The following SCAI variants were observed in gnomAD, a reference collection of about 807,000 sequenced individuals.
SCAI encodes protein SCAI.
In SCAI, 24 loss-of-function variants were observed where a neutral mutation model predicts 92.2. The observed-to-expected ratio is 0.26, with a 90% CI of 0.19 to 0.37. The LOEUF is 0.37. SCAI is among the 10% of genes least tolerant of loss of function. The pLI, the probability that SCAI is intolerant of heterozygous loss-of-function variation, is 1.00. For missense variants in SCAI, 450 were observed against 736.2 expected, an observed-to-expected ratio of 0.61 and a Z score of 4.50; for synonymous variants, 261 against 258.6, an observed-to-expected ratio of 1.01 and a Z score of -0.09.
chr9:125,010,875 G>A (rs567458055), intron 9 of SCAI, among the ~76,000 whole-genome samples: 11 of 152,276 alleles, frequency 7.2e-5, no homozygotes, highest in Admixed American at 2.6e-4. Context: ...CACGGTTCAC[G>A]AAAATCCGCT....
At chr9:125,014,879 G>GT (rs1246149774) in intron 9 of SCAI, among the ~76,000 whole-genome samples, 1 of 151,994 alleles carries the variant, frequency 6.6e-6, no homozygotes, top group Non-Finnish European at 1.5e-5. Context: ...ATAACGCCAC[G>GT]TATCTACAAC....
rs535607428 is a variant in SCAI, at chr9:124,947,438, C to T, written c.*5369G>A. ...TAAGATCTTCATATCCTAATTTCAACTCCAAATTAGCCCATTTTATCCAAA... is the reference window on the plus strand; with the variant it reads ...TAAGATCTTCATATCCTAATTTCAATTCCAAATTAGCCCATTTTATCCAAA... On this transcript the variant is annotated 3_prime_UTR_variant, in exon 18 of 18. Transcript: ENST00000336505. 1.3e-5 allele frequency: 2 copies of T among 152,192 alleles called. No individual in the cohort carries two copies. The highest frequency in any genetic ancestry group is 1.3e-4 in the Admixed American group (2 of 15,288). 9.4% of individuals were successfully genotyped at this position (152,192 alleles called of 1,614,324 possible). A position where few individuals can be genotyped will look rare whatever the true frequency, so the allele number is the denominator to read the frequency against.
chr9:125,050,286 C>G (rs1453790874), intron 3 of SCAI, among the ~76,000 whole-genome samples: 1 of 151,986 alleles, frequency 6.6e-6, no homozygotes, highest in Admixed American at 6.6e-5. Flanking sequence ...TGGAGGTGGG[C>G]GCAGGGGGAT....
chr9:125,142,587 A>C, intron 2 of SCAI, 46 bp downstream of exon 2: 2 of 1,502,072 alleles, frequency 1.3e-6, no homozygotes, highest in Non-Finnish European at 1.9e-6. Flanking sequence ...AGGTGCAGCC[A>C]AGCAAAAAGA....
intron 13 of SCAI, among the ~76,000 whole-genome samples, chr9:124,999,315 A>G (rs1832310906): frequency 6.6e-6 from 1 of 151,684 alleles, no homozygotes; most frequent in Non-Finnish European, 1.5e-5. Context: ...TGAACCCAGG[A>G]GGCAGAGGTT....
At position 125,074,058 on chromosome 9, in the gene SCAI, G is replaced by A. The variant is rs1261620224; in HGVS notation, c.99-18051C>T. 2.0e-5 allele frequency among the ~76,000 whole-genome samples: 3 copies of A among 151,626 alleles called. No individual in the cohort carries two copies. The South Asian group carries it at 6.3e-4, about 32-fold the overall frequency. ...GCAGATCATGAGGTCAAGAGATCGA[G>A]ACCGTCCTGGCTAACACGGTGAAAC... On this transcript the variant is annotated intron_variant, in intron 2 of 17. Coordinates refer to ENST00000336505, the MANE Select transcript of SCAI (RefSeq NM_001144877.3).
intron 6 of SCAI, among the ~76,000 whole-genome samples, chr9:125,023,927 C>A (rs1832916340): frequency 6.6e-6 from 1 of 152,008 alleles, no homozygotes; most frequent in Non-Finnish European, 1.5e-5. Flanking sequence ...CCTAGCCTAC[C>A]AACTGACTCC....
chr9:125,130,190 C>A (rs1204872929), intron 2 of SCAI, among the ~76,000 whole-genome samples: 2 of 151,998 alleles, frequency 1.3e-5, no homozygotes, highest in African/African-American at 4.8e-5. Flanking sequence ...TGAGCCACCA[C>A]GTCCAGCCAA....
intron 2 of SCAI, among the ~76,000 whole-genome samples, chr9:125,138,712 C>A (rs1835600576): frequency 6.6e-6 from 1 of 152,004 alleles, no homozygotes; most frequent in African/African-American, 2.4e-5. Context: ...TCGTGCCCGG[C>A]CCAATTTTGT....
At chr9:125,053,652 G>C (rs766274811) in intron 3 of SCAI, among the ~76,000 whole-genome samples, 1 of 152,150 alleles carries the variant, frequency 6.6e-6, no homozygotes, top group African/African-American at 2.4e-5. Context: ...GTTGTCAGGG[G>C]TTAGGATTTG....
chr9:124,983,543 G>C (rs1831929726), intron 14 of SCAI, among the ~76,000 whole-genome samples: 1 of 151,956 alleles, frequency 6.6e-6, no homozygotes, highest in South Asian at 2.1e-4. Flanking sequence ...AGTAGAGACA[G>C]GGTTTCACCA....
chr9:125,139,825 G>T (rs1331889362), intron 2 of SCAI, among the ~76,000 whole-genome samples: 1 of 152,176 alleles, frequency 6.6e-6, no homozygotes, highest in Non-Finnish European at 1.5e-5. Context: ...TCTGGCAGTG[G>T]GGTAATGAGA....
intron 9 of SCAI, among the ~76,000 whole-genome samples, chr9:125,012,612 C>G (rs574404952): frequency 8.5e-5 from 13 of 152,056 alleles, no homozygotes; most frequent in African/African-American, 2.9e-4. Context: ...CAACATTAGA[C>G]AGATCAACGA....
chr9:125,001,829 A>G (rs1832367400), intron 12 of SCAI, 136 bp downstream of exon 12: 1 of 588,924 alleles, frequency 1.7e-6, no homozygotes, highest in Non-Finnish European at 3.0e-6. Flanking sequence ...ATTATCAATC[A>G]ACAAATAGAC....
chr9:125,004,312 G>T (rs1008106230), intron 9 of SCAI, among the ~76,000 whole-genome samples: 3 of 150,820 alleles, frequency 2.0e-5, no homozygotes, highest in African/African-American at 7.4e-5. Context: ...ACACCACAAG[G>T]ATCTCCAGCC....
At chr9:124,967,659 A>AT (rs1831567118) in intron 17 of SCAI, among the ~76,000 whole-genome samples, 1 of 151,392 alleles carries the variant, frequency 6.6e-6, no homozygotes, top group East Asian at 2.0e-4. Flanking sequence ...AATAATAAAA[A>AT]AATACACACA....
chr9:125,088,655 T>C (rs1588210902), intron 2 of SCAI, among the ~76,000 whole-genome samples: 1 of 152,134 alleles, frequency 6.6e-6, no homozygotes, highest in South Asian at 2.1e-4. Context: ...TATCTTAATT[T>C]TTTGTAGAGA....
At chr9:125,105,548 C>T (rs1834758505) in intron 2 of SCAI, among the ~76,000 whole-genome samples, 1 of 152,204 alleles carries the variant, frequency 6.6e-6, no homozygotes, top group Non-Finnish European at 1.5e-5. Context: ...TCTTTAAAGT[C>T]CTTCAGGTTC....
intron 12 of SCAI, among the ~76,000 whole-genome samples, chr9:125,001,692 T>C (rs1208172917): frequency 6.6e-6 from 1 of 152,242 alleles, no homozygotes; most frequent in African/African-American, 2.4e-5. Flanking sequence ...TATCTAAATG[T>C]ATTTACATAT....
Sources: gnomAD v4.1 joint callset for allele counts (sites outside exome capture counted in the v4.1 genomes callset) on GRCh38, gnomAD v4.1.1 for gene constraint, MANE v1.5 for transcripts, NCBI Gene and HGNC (gene_info 2026-07-23, HGNC 2026-07-21) for gene names.